Variants in MPPED2 observed in about 807,000 individuals in gnomAD.
MPPED2 encodes the protein metallophosphoesterase MPPED2.
MPPED2 carries 5 observed loss-of-function variants against 33.0 expected under a neutral mutation model. The observed-to-expected ratio is 0.15, with a 90% CI of 0.08 to 0.32. The LOEUF is 0.32. Ranked by LOEUF, MPPED2 falls within the 10% of genes least tolerant of loss-of-function variation. MPPED2 has a pLI of 1.00. For synonymous variants in MPPED2, 136 were observed against 141.9 expected (o/e 0.96, Z 0.29); for missense variants, 275 against 372.1 (o/e 0.74, Z 2.15).
chr11:30,524,334 G>A (rs1043098876), intron 3 of MPPED2, among the ~76,000 whole-genome samples: 3 of 152,142 alleles, frequency 2.0e-5, no homozygotes, highest in African/African-American at 7.2e-5. Context: ...AAGAGTGAGG[G>A]AGAGGCCAGA....
intron 4 of MPPED2, among the ~76,000 whole-genome samples, chr11:30,493,491 C>T (rs1292831505): frequency 2.6e-5 from 4 of 151,950 alleles, no homozygotes; most frequent in Non-Finnish European, 5.9e-5. Context: ...CTATCCACAA[C>T]TCCTAGTGAA....
chr11:30,498,997 A>G (rs983294941), intron 3 of MPPED2, among the ~76,000 whole-genome samples: 2 of 152,196 alleles, frequency 1.3e-5, no homozygotes, highest in African/African-American at 4.8e-5. Flanking sequence ...GTGTCACATA[A>G]GTAGATACTC....
rs571200278 is a variant in MPPED2, at chr11:30,512,433, C to T, written c.311-16912G>A. ...TGGGGCAAGTGGGGTCAAGGGAAAACTTTGTTCAAAGAAAAGTTTATGAAG... is the reference window on the plus strand; with the variant it reads ...TGGGGCAAGTGGGGTCAAGGGAAAATTTTGTTCAAAGAAAAGTTTATGAAG... On this transcript the variant is annotated intron_variant, in intron 3 of 6. Coordinates refer to ENST00000358117, the MANE Select transcript of MPPED2 (RefSeq NM_001584.3). 3.3e-5 allele frequency among the ~76,000 whole-genome samples: 5 copies of T among 152,064 alleles called. No individual in the cohort carries two copies. In the East Asian group the frequency reaches 9.7e-4, roughly 29 times the overall value.
intron 2 of MPPED2, among the ~76,000 whole-genome samples, chr11:30,573,363 C>G (rs1472936406): frequency 1.3e-5 from 2 of 152,076 alleles, no homozygotes; most frequent in African/African-American, 4.8e-5. Context: ...AAATAAATGA[C>G]TCTATCACTG....
At chr11:30,580,146 CT>C in intron 2 of MPPED2, 99 bp downstream of exon 2, 1 of 1,188,618 alleles carries the variant, frequency 8.4e-7, no homozygotes, top group South Asian at 1.5e-5. Flanking sequence ...AATCATTTAC[CT>C]TTTAGTCTCC....
At chr11:30,429,863 G>A (rs182522508) in intron 4 of MPPED2, among the ~76,000 whole-genome samples, 1 of 152,142 alleles carries the variant, frequency 6.6e-6, no homozygotes, top group South Asian at 2.1e-4. Flanking sequence ...TCTGGAATTT[G>A]TCATGCTCTG....
rs758814267 is a variant in MPPED2 at position 30,410,256 on chromosome 11, A to G, written c.*1212T>C. 91 of 985,656 alleles carry G rather than the reference A, an allele frequency of 9.2e-5. No individual in the cohort carries two copies. Among genetic ancestry groups the G allele is most frequent in the African/African-American group, 1.2e-4 (7 of 57,246 alleles). The allele number at this position is 985,656 out of a possible 1,614,324, so 61.1% of individuals were successfully genotyped here. On this transcript the variant is annotated 3_prime_UTR_variant, in exon 7 of 7. Coordinates refer to ENST00000358117, the MANE Select transcript of MPPED2 (RefSeq NM_001584.3). ...ATCTTGCAATTTTATTTGCATATAA[A>G]GGCCGCTAGATATAGAATATCACAA...
intron 4 of MPPED2, among the ~76,000 whole-genome samples, chr11:30,418,536 T>C (rs1948474227): frequency 6.6e-6 from 1 of 152,230 alleles, no homozygotes; most frequent in African/African-American, 2.4e-5. Flanking sequence ...CCCAGTGTTA[T>C]CCTATTCCCA....
chr11:30,531,758 A>C (rs1275367931), intron 3 of MPPED2, among the ~76,000 whole-genome samples: 1 of 152,242 alleles, frequency 6.6e-6, no homozygotes, highest in African/African-American at 2.4e-5. Context: ...CCTACCTCAT[A>C]ATGCTCTTCC....
intron 4 of MPPED2, among the ~76,000 whole-genome samples, chr11:30,432,694 T>C (rs1347076730): frequency 6.6e-6 from 1 of 152,244 alleles, no homozygotes; most frequent in Non-Finnish European, 1.5e-5. Flanking sequence ...CAATTCTTTT[T>C]TGAAAATTGC....
chr11:30,463,243 T>A (rs895802272), intron 4 of MPPED2, among the ~76,000 whole-genome samples: 1 of 152,194 alleles, frequency 6.6e-6, no homozygotes, highest in African/African-American at 2.4e-5. Flanking sequence ...CAAATGATTG[T>A]AATTGTGTAA....
chr11:30,455,713 G>A (rs1312146938), intron 4 of MPPED2, among the ~76,000 whole-genome samples: 1 of 152,136 alleles, frequency 6.6e-6, no homozygotes, highest in East Asian at 1.9e-4. Context: ...TAAGCATCCC[G>A]ATTCTCCCCT....
exon 7 of MPPED2, chr11:30,385,834 A>G (rs1291861125): frequency 6.6e-6 from 1 of 152,162 alleles, no homozygotes; most frequent in African/African-American, 2.4e-5. Context: ...GTTTTTTATC[A>G]GAAAGTTTCT....
chr11:30,469,131 T>G (rs1352229822), intron 4 of MPPED2: 1 of 152,216 alleles, frequency 6.6e-6, no homozygotes, highest in Non-Finnish European at 1.5e-5. Flanking sequence ...AGGAGCTGAT[T>G]AAGATTGATG....
In MPPED2 at chr11:30,414,283, G is replaced by A. The variant is rs1428620749; in HGVS notation, c.711C>T (p.Asn237=). 9 of 1,613,876 alleles carry A rather than the reference G, an allele frequency of 5.6e-6. No homozygotes were observed. The highest frequency in any genetic ancestry group is 1.3e-5 in the African/African-American group (1 of 74,886). The part of the protein sequence containing the change: ...LQRVGCVELL[N]TVQRRVRPKL... ...TGGGCCGGACTCGCCTCTGAACCGT[G>A]TTTAACAGCTCCACACAGCCCACTC... The change falls in exon 6 of 7, where the codon AAC becomes AAT. Residue 237 remains asparagine, a synonymous_variant. Coordinates refer to ENST00000358117, the MANE Select transcript of MPPED2 (RefSeq NM_001584.3).
chr11:30,552,964 C>A (rs1019024837), intron 2 of MPPED2, among the ~76,000 whole-genome samples: 1 of 152,138 alleles, frequency 6.6e-6, no homozygotes, highest in African/African-American at 2.4e-5. Flanking sequence ...GCCAGTAGTT[C>A]TGGTCAACAA....
intron 2 of MPPED2, among the ~76,000 whole-genome samples, chr11:30,561,502 G>A (rs1956239646): frequency 6.6e-6 from 1 of 152,156 alleles, no homozygotes; most frequent in Non-Finnish European, 1.5e-5. Context: ...AGTTTTTAAA[G>A]GTCTAACAGG....
intron 4 of MPPED2, among the ~76,000 whole-genome samples, chr11:30,456,660 C>A (rs1367222482): frequency 6.6e-6 from 1 of 152,082 alleles, no homozygotes; most frequent in East Asian, 1.9e-4. Flanking sequence ...TATTCTGTAA[C>A]CCTAAGAATC....
chr11:30,437,650 T>A (rs921227178), intron 4 of MPPED2, among the ~76,000 whole-genome samples: 1 of 152,194 alleles, frequency 6.6e-6, no homozygotes, highest in African/African-American at 2.4e-5. Context: ...CAACCTTCCC[T>A]CTTCATTTAA....
Sources: gnomAD v4.1 joint callset for allele counts (sites outside exome capture counted in the v4.1 genomes callset) on GRCh38, gnomAD v4.1.1 for gene constraint, MANE v1.5 for transcripts, NCBI Gene and HGNC (gene_info 2026-07-23, HGNC 2026-07-21) for gene names.